SRGAP3: variants seen among roughly 807,000 people sequenced by gnomAD.
The protein encoded by SRGAP3 is SLIT-ROBO Rho GTPase activating protein 3.
Under a neutral mutation model 121.1 loss-of-function variants are expected in SRGAP3, and 39 were observed. The observed-to-expected ratio is 0.32, with a 90% CI of 0.25 to 0.42. The LOEUF (loss-of-function observed/expected upper bound fraction) is 0.42, where lower values mean the gene tolerates loss of function less well. Ranked by LOEUF, SRGAP3 falls within the 10% of genes least tolerant of loss-of-function variation. SRGAP3 has a pLI of 1.00. For missense variants in SRGAP3, 1,213 were observed against 1,470.6 expected, an observed-to-expected ratio of 0.82 and a Z score of 2.86; for synonymous variants, 601 against 570.0, an observed-to-expected ratio of 1.05 and a Z score of -0.77.
intron 12 of SRGAP3, chr3:9,028,019 G>A: frequency 2.0e-6 from 3 of 1,537,476 alleles, no homozygotes; most frequent in South Asian, 2.2e-5. Context: ...CAACAGGCAA[G>A]GTGGGCTCTG....
At chr3:9,054,171 A>G (rs573492744) in intron 8 of SRGAP3, among the ~76,000 whole-genome samples, 1 of 152,338 alleles carries the variant, frequency 6.6e-6, no homozygotes, top group Non-Finnish European at 1.5e-5. Context: ...CTCTCCTCTC[A>G]GTCAGGGGCA....
At position 9,296,249 on chromosome 3, in the gene SRGAP3, TC is replaced by T. The variant is rs1474157210; in HGVS notation, n.442+29760del. On this transcript the variant is annotated intron_variant and non_coding_transcript_variant, in intron 3 of 3. Coordinates refer to the SRGAP3 transcript ENST00000490889. Reference sequence around the variant, plus strand: ...TCCATAATGGCTGTACCATTTTACATCCCCAACAGCAATGCGCAAGGGTTCC... The same window carrying T: ...TCCATAATGGCTGTACCATTTTACATCCCAACAGCAATGCGCAAGGGTTCC... 3.3e-5 allele frequency among the ~76,000 whole-genome samples: 5 copies of T among 152,328 alleles called. No homozygotes were observed. The East Asian group carries it at 9.6e-4, about 29-fold the overall frequency.
chr3:9,154,735 C>T (rs921721233), intron 1 of SRGAP3, among the ~76,000 whole-genome samples: 2 of 152,046 alleles, frequency 1.3e-5, no homozygotes, highest in Non-Finnish European at 2.9e-5. Context: ...TGCAAGCTCT[C>T]AAAAGTCAGG....
intron 3 of SRGAP3, among the ~76,000 whole-genome samples, chr3:9,259,658 C>A (rs1954211964): frequency 6.6e-6 from 1 of 152,184 alleles, no homozygotes; most frequent in African/African-American, 2.4e-5. Context: ...CCACACCCCA[C>A]CTCCACTAGA....
chr3:8,999,209 C>T (rs1373836053), intron 18 of SRGAP3, among the ~76,000 whole-genome samples: 1 of 152,130 alleles, frequency 6.6e-6, no homozygotes, highest in Non-Finnish European at 1.5e-5. Flanking sequence ...TGGCTGGAGT[C>T]ACATTTTAGG....
At chr3:9,119,807 G>A (rs540242365) in intron 2 of SRGAP3, among the ~76,000 whole-genome samples, 65 of 152,350 alleles carry the variant, frequency 4.3e-4, no homozygotes, top group African/African-American at 1.4e-3. Flanking sequence ...AGACAGCCCA[G>A]CAGGGCCCGG....
chr3:9,254,681 A>G (rs1954088751), upstream of SRGAP3, among the ~76,000 whole-genome samples: 1 of 152,106 alleles, frequency 6.6e-6, no homozygotes, highest in South Asian at 2.1e-4. Context: ...TTGTGGTCCC[A>G]GCTACTTGGG....
intron 1 of SRGAP3, among the ~76,000 whole-genome samples, chr3:9,137,494 AAG>A (rs1949708348): frequency 6.6e-6 from 1 of 152,186 alleles, no homozygotes; most frequent in South Asian, 2.1e-4. Context: ...TGAAAAAAAT[AAG>A]AGTTATTTAA....
Position 9,102,687 on chromosome 3 carries a change from C to A in SRGAP3, c.423+1993G>T, listed in dbSNP as rs112636990. Among the ~76,000 whole-genome samples, 83 of 152,358 alleles carry A rather than the reference C, an allele frequency of 5.4e-4. 1 individual carries two copies. The highest frequency in any genetic ancestry group is 2.0e-3 in the African/African-American group (82 of 41,588). On this transcript the variant is annotated intron_variant, in intron 3 of 21. Coordinates refer to ENST00000383836, the MANE Select transcript of SRGAP3 (RefSeq NM_014850.4). ...GGGCTGGGTTGTTTCCTTTGTTCCA[C>A]AGGCACAGGCCTGGTAACAAGGCAG... is the stretch of plus-strand genomic sequence containing the variant.
intron 3 of SRGAP3, among the ~76,000 whole-genome samples, chr3:9,288,979 C>T (rs966478347): frequency 3.9e-5 from 6 of 152,184 alleles, no homozygotes; most frequent in Admixed American, 1.3e-4. Flanking sequence ...TAACTGCAAC[C>T]TCCACCTCCT....
chr3:9,323,127 A>G (rs1432275291), intron 3 of SRGAP3, among the ~76,000 whole-genome samples: 1 of 151,870 alleles, frequency 6.6e-6, no homozygotes, highest in African/African-American at 2.4e-5. Context: ...GGAAAAAAAG[A>G]AAACTACTGT....
chr3:9,136,116 C>T (rs943574382), intron 1 of SRGAP3, among the ~76,000 whole-genome samples: 1 of 152,256 alleles, frequency 6.6e-6, no homozygotes, highest in African/African-American at 2.4e-5. Flanking sequence ...CACCTTCTTC[C>T]AGCCTCTCTG....
Position 9,248,922 on chromosome 3 carries a change from G to A in SRGAP3, c.30C>T (p.Asp10=). 6.2e-7 allele frequency: 1 copy of A among 1,614,196 alleles called. No homozygotes were observed. Among genetic ancestry groups the A allele is most frequent in the Non-Finnish European group, 8.5e-7 (1 of 1,180,038 alleles). ...CTTCATATTCAGCAATGATCTCTTT[G>A]TCTTTCTTGAACTTAGTTTGAGATG... The part of the protein sequence containing the change: MSSQTKFKK[D]KEIIAEYEAQ... Residue 10 remains aspartate, a synonymous_variant, in exon 1 of 22, where the codon GAC becomes GAT. Coordinates refer to ENST00000383836, the MANE Select transcript of SRGAP3 (RefSeq NM_014850.4).
intron 3 of SRGAP3, among the ~76,000 whole-genome samples, chr3:9,097,232 C>A (rs554076234): frequency 1.3e-4 from 20 of 151,988 alleles, no homozygotes; most frequent in African/African-American, 4.6e-4. Context: ...CTCAAGCAAT[C>A]CTTCCACCTT....
intron 3 of SRGAP3, among the ~76,000 whole-genome samples, chr3:9,255,435 A>G (rs1307669648): frequency 1.3e-5 from 2 of 152,184 alleles, no homozygotes; most frequent in Non-Finnish European, 2.9e-5. Context: ...GATGGCAAAG[A>G]TGGCCCCCAA....
chr3:9,092,197 C>T (rs922520725), intron 3 of SRGAP3, among the ~76,000 whole-genome samples: 5 of 152,096 alleles, frequency 3.3e-5, no homozygotes, highest in East Asian at 3.9e-4. Context: ...AACTGCTTTA[C>T]GTAACAGGCC....
intron 3 of SRGAP3, among the ~76,000 whole-genome samples, chr3:9,323,119 A>G (rs1314600289): frequency 3.3e-5 from 5 of 151,812 alleles, no homozygotes; most frequent in Admixed American, 6.5e-5. Context: ...ACATTCTTGG[A>G]AAAAAAGAAA....
At chr3:9,298,042 C>A (rs895775450) in intron 3 of SRGAP3, among the ~76,000 whole-genome samples, 6 of 152,218 alleles carry the variant, frequency 3.9e-5, no homozygotes, top group African/African-American at 1.4e-4. Context: ...ACACCTTGAT[C>A]TTGGACTTTT....
chr3:9,041,247 T>G (rs1388410568), intron 10 of SRGAP3, among the ~76,000 whole-genome samples: 14 of 152,168 alleles, frequency 9.2e-5, no homozygotes, highest in Non-Finnish European at 2.9e-5. Context: ...TAACTTCAAG[T>G]CTAAGTTTAC....
Sources: gnomAD v4.1 joint callset for allele counts (sites outside exome capture counted in the v4.1 genomes callset) on GRCh38, gnomAD v4.1.1 for gene constraint, MANE v1.5 for transcripts, NCBI Gene and HGNC (gene_info 2026-07-23, HGNC 2026-07-21) for gene names.